Variants in CD38 observed in about 807,000 individuals in gnomAD.
The protein encoded by CD38 is CD38 molecule, also known as ADP-ribosyl cyclase/cyclic ADP-ribose hydrolase 1.
CD38 carries 31 observed loss-of-function variants against 36.3 expected under a neutral mutation model. The ratio of observed to expected loss-of-function variants is 0.85; its 90% CI spans 0.64 to 1.15. CD38 has a LOEUF of 1.15. CD38 is among the 50% of genes most tolerant of loss of function. The probability of loss-of-function intolerance (pLI) is 0.00; values close to 1 mark genes in which losing one functional copy is unlikely to be tolerated. For synonymous variants in CD38, 131 were observed against 135.2 expected (o/e 0.97, Z 0.22); for missense variants, 380 against 371.9 (o/e 1.02, Z -0.18).
chr4:15,801,637 A>G (rs1723224745), intron 1 of CD38, among the ~76,000 whole-genome samples: 1 of 152,192 alleles, frequency 6.6e-6, no homozygotes, highest in Non-Finnish European at 1.5e-5. Context: ...GAGTGGTTCA[A>G]CATATGCAAA....
At chr4:15,823,295 A>G (rs1010838997) in intron 2 of CD38, among the ~76,000 whole-genome samples, 13 of 152,220 alleles carry the variant, frequency 8.5e-5, no homozygotes, top group Admixed American at 3.9e-4. Context: ...GCCAAATGCA[A>G]TTGTAACAAA....
intron 7 of CD38, 44 bp downstream of exon 7, chr4:15,840,582 C>T (rs1292641416): frequency 2.6e-6 from 3 of 1,163,222 alleles, no homozygotes; most frequent in Admixed American, 3.8e-5. Flanking sequence ...GTCTTGTCAC[C>T]TGTAGAATTT....
At chr4:15,793,885 G>A (rs1280025932) in intron 1 of CD38, among the ~76,000 whole-genome samples, 1 of 152,158 alleles carries the variant, frequency 6.6e-6, no homozygotes, top group Non-Finnish European at 1.5e-5. Context: ...TTGGGGCAGA[G>A]GTACTGAAAA....
chr4:15,834,222 A>T lies in CD38; in HGVS notation c.505A>T (p.Asn169Tyr), dbSNP rs1724016950. The T allele has an allele frequency of 3.8e-6, 6 of 1,599,622 alleles. No homozygotes were observed. Among genetic ancestry groups the T allele is most frequent in the Non-Finnish European group, 5.1e-6 (6 of 1,166,838 alleles). ...WCGEFNTSKI[N>Y]YQSCPDWRKD... ...CTACAAACTATGTCTTTTAGAAATA[A>T]ACTATCAATCTTGCCCAGACTGGAG... The change falls in exon 4 of 8, where the codon AAC becomes TAC. Residue 169 changes from asparagine (N) to tyrosine (Y), a missense_variant. By Grantham distance (143) the Asn-to-Tyr change is moderately radical. Coordinates refer to ENST00000226279, the MANE Select transcript of CD38 (RefSeq NM_001775.4).
intron 1 of CD38, among the ~76,000 whole-genome samples, chr4:15,779,654 C>T (rs1436558979): frequency 6.6e-6 from 1 of 152,176 alleles, no homozygotes; most frequent in Non-Finnish European, 1.5e-5. Flanking sequence ...TCCTGGGCTT[C>T]CCAGCGTCCC....
intron 1 of CD38, among the ~76,000 whole-genome samples, chr4:15,806,593 T>G (rs911540997): frequency 6.6e-6 from 1 of 152,098 alleles, no homozygotes; most frequent in Non-Finnish European, 1.5e-5. Context: ...TAGTGCTGCC[T>G]CCTCCCTCTG....
chr4:15,835,163 A>G (rs1724039797), intron 4 of CD38, among the ~76,000 whole-genome samples: 1 of 151,886 alleles, frequency 6.6e-6, no homozygotes, highest in Non-Finnish European at 1.5e-5. Flanking sequence ...CTTTTAACAA[A>G]TCTCTACCTA....
intron 1 of CD38, among the ~76,000 whole-genome samples, chr4:15,785,013 G>A (rs1044887343): frequency 7.3e-5 from 11 of 151,602 alleles, no homozygotes; most frequent in African/African-American, 1.7e-4. Context: ...CTGAGCTCAC[G>A]CCACTACACT....
chr4:15,826,885 G>A (rs1723863285), intron 3 of CD38, among the ~76,000 whole-genome samples: 1 of 152,148 alleles, frequency 6.6e-6, no homozygotes. Flanking sequence ...GAAGTTCTTT[G>A]ATGGTGAGGC....
rs1210770530 is a variant in CD38 at position 15,851,581 on chromosome 4, T to C, written c.*2979T>C. The C allele has an allele frequency of 6.6e-6, 1 of 152,168 alleles. No individual in the cohort carries two copies. The highest frequency in any genetic ancestry group is 2.4e-5 in the African/African-American group (1 of 41,422). The allele number at this position is 152,168 out of a possible 1,614,324, so 9.4% of individuals were successfully genotyped here. A position where few individuals can be genotyped will look rare whatever the true frequency, so the allele number is the denominator to read the frequency against. ...ATAATGTTTGAGGCACCTTTTCAAA[T>C]ATAGTCCTTTGATTTCAGACTGAAT... is the stretch of plus-strand genomic sequence containing the variant. On this transcript the variant is annotated 3_prime_UTR_variant, in exon 8 of 8. Transcript: ENST00000226279.
At position 15,852,118 on chromosome 4, in the gene CD38, A is replaced by C. The variant is rs1012348879; in HGVS notation, c.*3516A>C. The C allele has an allele frequency of 1.3e-5, 2 of 152,228 alleles. No homozygotes were observed. Among genetic ancestry groups the C allele is most frequent in the African/African-American group, 4.8e-5 (2 of 41,452 alleles). 9.4% of individuals were successfully genotyped at this position (152,228 alleles called of 1,614,324 possible). A position where few individuals can be genotyped will look rare whatever the true frequency, so the allele number is the denominator to read the frequency against. On this transcript the variant is annotated 3_prime_UTR_variant, in exon 8 of 8. Coordinates refer to ENST00000226279, the MANE Select transcript of CD38 (RefSeq NM_001775.4). ...TCCTGTTACAACAACAGTGTCTCTC[A>C]ATCCACAGTAATTGCAGCATCCAGT...
At chr4:15,789,756 G>C (rs1049999445) in intron 1 of CD38, among the ~76,000 whole-genome samples, 3 of 152,044 alleles carry the variant, frequency 2.0e-5, no homozygotes, top group Non-Finnish European at 4.4e-5. Flanking sequence ...GAGAGGAAAA[G>C]GGACTTGAGC....
chr4:15,816,540 C>A lies in CD38; in HGVS notation c.263C>A (p.Ala88Asp). Residue 88 changes from alanine to aspartate, a missense_variant, in exon 2 of 8, where the codon GCT becomes GAT. Ala to Asp is a moderately radical substitution (Grantham distance 126, BLOSUM62 -2). Coordinates refer to ENST00000226279, the MANE Select transcript of CD38 (RefSeq NM_001775.4). Reference sequence around the variant, plus strand: ...GTAGACTGCCAAAGTGTATGGGATGCTTTCAAGGGTGCATTTATTTCAAAA... The same window carrying A: ...GTAGACTGCCAAAGTGTATGGGATGATTTCAAGGGTGCATTTATTTCAAAA... ...RHVDCQSVWDAFKGAFISKHP... is the reference protein window; with the variant it reads ...RHVDCQSVWDDFKGAFISKHP... The A allele has an allele frequency of 6.2e-7, 1 of 1,613,206 alleles. No individual in the cohort carries two copies. Among genetic ancestry groups the A allele is most frequent in the Non-Finnish European group, 8.5e-7 (1 of 1,179,218 alleles).
intron 4 of CD38, among the ~76,000 whole-genome samples, chr4:15,835,975 AAAG>A (rs1345509548): frequency 6.6e-6 from 1 of 152,210 alleles, no homozygotes; most frequent in Non-Finnish European, 1.5e-5. Flanking sequence ...TTAGGGAAAA[AAAG>A]AGAAAGGAAG....
rs529541571 is a variant in CD38 at position 15,779,179 on chromosome 4, A to T, written c.233+532A>T. ...AGGGTGTAGAAGGGCCAAACCACGG[A>T]ACTTAGTTTTATTCATTTATATAAA... On this transcript the variant is annotated intron_variant, in intron 1 of 7. Coordinates refer to ENST00000226279, the MANE Select transcript of CD38 (RefSeq NM_001775.4). Among the ~76,000 whole-genome samples the T allele has an allele frequency of 2.6e-5, 4 of 152,254 alleles. No individual in the cohort carries two copies. In the East Asian group the frequency reaches 5.8e-4, roughly 22 times the overall value.
intron 1 of CD38, among the ~76,000 whole-genome samples, chr4:15,784,913 G>A (rs1047806662): frequency 3.3e-5 from 5 of 152,078 alleles, no homozygotes; most frequent in African/African-American, 4.8e-5. Flanking sequence ...AAAATTAGCC[G>A]GGTGTGGTTG....
At chr4:15,780,561 CACACACAT>C (rs1218843005) in intron 1 of CD38, among the ~76,000 whole-genome samples, 144 of 150,960 alleles carry the variant, frequency 9.5e-4, no homozygotes, top group Non-Finnish European at 1.3e-3. Flanking sequence ...CACACACACA[CACACACAT>C]ACAGTCTTAC....
At chr4:15,783,410 C>T (rs952677893) in intron 1 of CD38, among the ~76,000 whole-genome samples, 4 of 152,198 alleles carry the variant, frequency 2.6e-5, no homozygotes, top group Non-Finnish European at 4.4e-5. Context: ...CAGGTACTGA[C>T]GATAGCTGCA....
intron 1 of CD38, among the ~76,000 whole-genome samples, chr4:15,799,957 GT>G (rs2148918217): frequency 6.6e-6 from 1 of 152,272 alleles, no homozygotes; most frequent in East Asian, 1.9e-4. Flanking sequence ...AACAGTGGGC[GT>G]TAATAAACAC....
Sources: allele counts gnomAD v4.1 joint callset (sites outside exome capture counted in the v4.1 genomes callset), GRCh38; gene constraint gnomAD v4.1.1; transcripts MANE v1.5; gene names NCBI Gene and HGNC (gene_info 2026-07-23, HGNC 2026-07-21).